The following SOD2 variants were observed in gnomAD, a reference collection of about 807,000 sequenced individuals.
SOD2 encodes superoxide dismutase 2.
A neutral mutation model predicts 27.0 loss-of-function variants in SOD2; 11 were observed. The observed-to-expected ratio is 0.41, with a 90% confidence interval of 0.26 to 0.67. SOD2 has a LOEUF of 0.67. Among genes scored for constraint, SOD2 ranks in the 30% least tolerant of loss-of-function variants. The pLI is 0.34. For missense variants in SOD2, 250 were observed against 274.5 expected (o/e 0.91, Z 0.63); for synonymous variants, 105 against 103.0 (o/e 1.02, Z -0.12).
intron 1 of SOD2, among the ~76,000 whole-genome samples, chr6:159,733,257 T>G (rs944842898): frequency 2.6e-5 from 4 of 152,360 alleles, no homozygotes; most frequent in African/African-American, 9.6e-5. Flanking sequence ...TGAAACAGAC[T>G]GTATACAATT....
At chr6:159,740,628 G>A (rs1411209811) in intron 1 of SOD2, among the ~76,000 whole-genome samples, 1 of 151,830 alleles carries the variant, frequency 6.6e-6, no homozygotes, top group Non-Finnish European at 1.5e-5. Context: ...ATAAAGCATG[G>A]CCTTGGCTGA....
Position 159,680,499 on chromosome 6 carries a change from T to A in SOD2, c.*1994A>T, listed in dbSNP as rs1250726109. 1 of 152,034 alleles carries A rather than the reference T, an allele frequency of 6.6e-6. No individual in the cohort carries two copies. The highest frequency in any genetic ancestry group is 1.5e-5 in the Non-Finnish European group (1 of 68,024). The allele number at this position is 152,034 out of a possible 1,614,324, so 9.4% of individuals were successfully genotyped here. A position where few individuals can be genotyped will look rare whatever the true frequency, so the allele number is the denominator to read the frequency against. On this transcript the variant is annotated 3_prime_UTR_variant, in exon 5 of 5. Transcript: ENST00000538183. ...ATTTTAAAAGTACCTTGAATTTAAA[T>A]TTTTTTTAAACTTCAGTCTTCAATA...
intron 1 of SOD2, 22 bp downstream of exon 1, chr6:159,693,123 A>T: frequency 6.5e-7 from 1 of 1,528,630 alleles, no homozygotes; most frequent in South Asian, 1.2e-5. Flanking sequence ...TGGGGCCGTG[A>T]CCGGGTCCCC....
chr6:159,737,248 C>T (rs1459292104), intron 1 of SOD2, among the ~76,000 whole-genome samples: 1 of 152,086 alleles, frequency 6.6e-6, no homozygotes, highest in African/African-American at 2.4e-5. Flanking sequence ...GGGGTTTTAC[C>T]ATGTTGCCCA....
upstream of SOD2, among the ~76,000 whole-genome samples, chr6:159,728,037 C>T (rs59250477): frequency 2.0e-5 from 3 of 152,204 alleles, no homozygotes; most frequent in South Asian, 2.1e-4. Flanking sequence ...GGGGTCGCCC[C>T]CTTCACCTCC....
chr6:159,678,753 T>G lies in SOD2; in HGVS notation c.*3740A>C, dbSNP rs1779834693. ...AGGGACTTGCGATTGGTATCTGGAGTGGGGGCAGTCTTGTGGGCTGAGCCC... is the reference window on the plus strand; with the variant it reads ...AGGGACTTGCGATTGGTATCTGGAGGGGGGGCAGTCTTGTGGGCTGAGCCC... On this transcript the variant is annotated 3_prime_UTR_variant, in exon 5 of 5. Transcript: ENST00000538183. 1.3e-5 allele frequency: 2 copies of G among 151,962 alleles called. No homozygotes were observed. Among genetic ancestry groups the G allele is most frequent in the Non-Finnish European group, 2.9e-5 (2 of 67,988 alleles). The allele number at this position is 151,962 out of a possible 1,614,324, so 9.4% of individuals were successfully genotyped here. A position where few individuals can be genotyped will look rare whatever the true frequency, so the allele number is the denominator to read the frequency against.
At chr6:159,706,213 T>C (rs1562434331) in intron 1 of SOD2, among the ~76,000 whole-genome samples, 1 of 152,146 alleles carries the variant, frequency 6.6e-6, no homozygotes, top group Non-Finnish European at 1.5e-5. Context: ...CATCAACTAA[T>C]GAGCAAAATA....
rs763455003 is a variant in SOD2, at chr6:159,720,847, C to CTTTTTTTTT, written c.-116+6273_-116+6281dup. On this transcript the variant is annotated intron_variant, in intron 1 of 2. Transcript: ENST00000401980. ...CACTATACAGGTGTATTTTCTTTACCTTTTTTTTTTTTTTTTTTTTTTTTT... is the reference window on the plus strand; with the variant it reads ...CACTATACAGGTGTATTTTCTTTACCTTTTTTTTTTTTTTTTTTTTTTTTTTTTTTTTTT... Among the ~76,000 whole-genome samples, 16 of 59,960 alleles carry CTTTTTTTTT rather than the reference C, an allele frequency of 2.7e-4. 2 individuals carry two copies. The highest frequency in any genetic ancestry group is 3.9e-4 in the African/African-American group (6 of 15,486). 39.3% of individuals were successfully genotyped at this position (59,960 alleles called of 152,430 possible).
At chr6:159,710,896 C>T (rs1332023235) in intron 1 of SOD2, among the ~76,000 whole-genome samples, 13 of 147,782 alleles carry the variant, frequency 8.8e-5, no homozygotes, top group Admixed American at 2.0e-4. Context: ...ACCGCCTCGA[C>T]AACCACCACT....
At chr6:159,748,238 A>G (rs1416041584), upstream of SOD2, 4 of 1,614,004 alleles carry the variant, frequency 2.5e-6, no homozygotes, top group African/African-American at 1.3e-5. This position sits in a 1 kb window ranked among gnomAD's most constrained non-coding sequence, Gnocchi z 5.6. Flanking sequence ...GCGTTGCCCA[A>G]CTGAGATCAA....
chr6:159,756,672 G>C (rs1780018456), intron 1 of SOD2, among the ~76,000 whole-genome samples: 1 of 142,600 alleles, frequency 7.0e-6, no homozygotes, highest in Non-Finnish European at 1.5e-5. Context: ...TGCAGTCATG[G>C]CTCACTGCAG....
Position 159,688,245 on chromosome 6 carries a change from G to A in SOD2, c.227-3C>T. ...AGCTATCTGGGCTGTAACATCTCCT[G>A]AAAAGTTAAAATGCAAACACATTTT... On this transcript the variant is annotated splice_region_variant and splice_polypyrimidine_tract_variant and intron_variant, in intron 2 of 4. Transcript: ENST00000538183. The A allele has an allele frequency of 6.4e-7, 1 of 1,574,792 alleles. No individual in the cohort carries two copies. The highest frequency in any genetic ancestry group is 8.7e-7 in the Non-Finnish European group (1 of 1,144,358).
intron 1 of SOD2, among the ~76,000 whole-genome samples, chr6:159,712,334 CT>C (rs1438375793): frequency 1.0e-5 from 1 of 98,986 alleles, no homozygotes; most frequent in Non-Finnish European, 2.1e-5. Context: ...TCTGATCACC[CT>C]AACCACCTCC....
In SOD2 at chr6:159,692,874, G is replaced by A; in HGVS notation, c.24-11C>T. ...AGCTGCCTGCTGGTGCTGAAGACGAGAAAGCACAGCCCGGTCAGTCAGCGC... is the reference window on the plus strand; with the variant it reads ...AGCTGCCTGCTGGTGCTGAAGACGAAAAAGCACAGCCCGGTCAGTCAGCGC... On this transcript the variant is annotated splice_polypyrimidine_tract_variant and intron_variant, in intron 1 of 4. Transcript: ENST00000538183. 6.3e-7 allele frequency: 1 copy of A among 1,591,646 alleles called. No homozygotes were observed.
chr6:159,717,385 G>A lies in SOD2; in HGVS notation c.-116+9744C>T, dbSNP rs148271596. On this transcript the variant is annotated intron_variant, in intron 1 of 2. Transcript: ENST00000401980. ...CCACCTCAGTATCCCAAAGTTCTAG[G>A]CTTATAGGCATGAGCCACTGTGCCT... Among the ~76,000 whole-genome samples, 907 of 152,106 alleles carry A rather than the reference G, an allele frequency of 6.0e-3. 10 individuals carry two copies. The highest frequency in any genetic ancestry group is 0.021 in the African/African-American group (879 of 41,500).
intron 2 of SOD2, chr6:159,692,299 C>G: frequency 1.3e-6 from 1 of 796,150 alleles, no homozygotes; most frequent in Non-Finnish European, 1.7e-6. Context: ...CATTATACAA[C>G]AAGAACAATT....
intron 1 of SOD2, chr6:159,755,265 C>T: frequency 1.2e-6 from 2 of 1,614,180 alleles, no homozygotes; most frequent in Non-Finnish European, 1.7e-6. Flanking sequence ...AATGGTAGCT[C>T]CTCCCGCCAG....
At position 159,671,783 on chromosome 6, in the gene SOD2, C is replaced by T. The variant is rs183746452; in HGVS notation, c.*10710G>A. 2 of 152,150 alleles carry T rather than the reference C, an allele frequency of 1.3e-5. No homozygotes were observed. Among genetic ancestry groups the T allele is most frequent in the African/African-American group, 4.8e-5 (2 of 41,438 alleles). 9.4% of individuals were successfully genotyped at this position (152,150 alleles called of 1,614,324 possible). A position where few individuals can be genotyped will look rare whatever the true frequency, so the allele number is the denominator to read the frequency against. On this transcript the variant is annotated 3_prime_UTR_variant, in exon 5 of 5. Transcript: ENST00000538183. ...TTGAGAGAAGAAGGCTTCAGATGAT[C>T]AAACTTCTCCAAGCTAAAAGAGGAA...
At chr6:159,689,726 G>A (rs764736160) in intron 2 of SOD2, among the ~76,000 whole-genome samples, 11 of 152,088 alleles carry the variant, frequency 7.2e-5, no homozygotes, top group African/African-American at 1.2e-4. Flanking sequence ...TTGGGAAGCC[G>A]AGGCGGGCAG....
Sources: gnomAD v4.1 joint callset for allele counts (sites outside exome capture counted in the v4.1 genomes callset) on GRCh38, gnomAD v4.1.1 for gene constraint, Gnocchi (gnomAD v3.1) non-coding constraint, MANE v1.5 for transcripts, NCBI Gene and HGNC (gene_info 2026-07-23, HGNC 2026-07-21) for gene names.